POLD3: variants seen among roughly 807,000 people sequenced by gnomAD.
POLD3 encodes DNA polymerase delta 3, accessory subunit.
A neutral mutation model predicts 58.2 loss-of-function variants in POLD3; 19 were observed. The observed-to-expected ratio is 0.33, with a 90% CI of 0.23 to 0.48. The LOEUF (loss-of-function observed/expected upper bound fraction) is 0.48. Ranked by LOEUF, POLD3 falls within the 20% of genes least tolerant of loss-of-function variation. POLD3 has a pLI of 0.99. For missense variants in POLD3, 504 were observed against 545.5 expected, an observed-to-expected ratio of 0.92 and a Z score of 0.76; for synonymous variants, 172 against 193.5, an observed-to-expected ratio of 0.89 and a Z score of 0.92.
rs2032934128 is a variant in POLD3 at position 74,642,300 on chromosome 11, A to G, written c.*1534A>G. 2 of 985,232 alleles carry G rather than the reference A, an allele frequency of 2.0e-6. No individual in the cohort carries two copies. Among genetic ancestry groups the G allele is most frequent in the South Asian group, 4.7e-5 (1 of 21,292 alleles). 61.0% of individuals were successfully genotyped at this position (985,232 alleles called of 1,614,324 possible). On this transcript the variant is annotated 3_prime_UTR_variant, in exon 12 of 12. Transcript: ENST00000263681. ...TATAGCAAGCTGAGTAAAGGTTGAC[A>G]TATTCCAAAACCCTTCTTTTTAAAA...
At chr11:74,664,898 G>A (rs1353063764) in intron 4 of POLD3, among the ~76,000 whole-genome samples, 4 of 152,154 alleles carry the variant, frequency 2.6e-5, no homozygotes, top group African/African-American at 7.2e-5. Flanking sequence ...TCAGGAGTTC[G>A]AGACCAGCCT....
At position 74,596,028 on chromosome 11, in the gene POLD3, TTA is replaced by T. The variant is rs1330876291; in HGVS notation, c.116+1914_116+1915del. Among the ~76,000 whole-genome samples, 39 of 86,570 alleles carry T rather than the reference TTA, an allele frequency of 4.5e-4. No homozygotes were observed. The South Asian group carries it at 0.015, about 33-fold the overall frequency. 56.8% of individuals were successfully genotyped at this position (86,570 alleles called of 152,430 possible). A position where few individuals can be genotyped will look rare whatever the true frequency, so the allele number is the denominator to read the frequency against. ...TAAAATGATTAAATTTTTTTTAATCTTATTTTTTTTTTTTTTTTAGTAGAGAT... is the reference window on the plus strand; with the variant it reads ...TAAAATGATTAAATTTTTTTTAATCTTTTTTTTTTTTTTTTTAGTAGAGAT... On this transcript the variant is annotated intron_variant, in intron 2 of 11. Coordinates refer to ENST00000263681, the MANE Select transcript of POLD3 (RefSeq NM_006591.3).
intron 11 of POLD3, among the ~76,000 whole-genome samples, chr11:74,636,733 C>T (rs1297046875): frequency 6.6e-6 from 1 of 151,938 alleles, no homozygotes; most frequent in Non-Finnish European, 1.5e-5. Context: ...GATGATTAGA[C>T]TGTAATCAAG....
At chr11:74,634,982 G>T (rs1345218672) in intron 10 of POLD3, among the ~76,000 whole-genome samples, 1 of 152,142 alleles carries the variant, frequency 6.6e-6, no homozygotes, top group Admixed American at 6.5e-5. Context: ...TACAGCTCCT[G>T]TTAGAATGGT....
chr11:74,617,653 G>A (rs1259715845), intron 5 of POLD3, among the ~76,000 whole-genome samples: 1 of 152,128 alleles, frequency 6.6e-6, no homozygotes, highest in African/African-American at 2.4e-5. Context: ...ACCTGCCTTG[G>A]CCTCCCAAAG....
At chr11:74,634,430 G>A (rs554016332) in intron 9 of POLD3, among the ~76,000 whole-genome samples, 153 bp from the exon 10 acceptor site, 11 of 152,172 alleles carry the variant, frequency 7.2e-5, no homozygotes, top group Non-Finnish European at 1.0e-4. Flanking sequence ...GTATTTTAAA[G>A]ATAACTATAT....
chr11:74,616,151 A>G (rs2032073579), intron 5 of POLD3, among the ~76,000 whole-genome samples: 1 of 152,202 alleles, frequency 6.6e-6, no homozygotes, highest in Admixed American at 6.5e-5. Context: ...AGTGACGCAA[A>G]AGTTCAAAAT....
At chr11:74,637,558 A>C (rs897136049) in intron 11 of POLD3, among the ~76,000 whole-genome samples, 4 of 145,852 alleles carry the variant, frequency 2.7e-5, no homozygotes, top group African/African-American at 1.0e-4. Context: ...TGCATTTTTT[A>C]AATTTAAGAG....
At chr11:74,636,954 G>C (rs1457124709) in intron 11 of POLD3, among the ~76,000 whole-genome samples, 1 of 152,158 alleles carries the variant, frequency 6.6e-6, no homozygotes, top group African/African-American at 2.4e-5. Flanking sequence ...AATCACACTA[G>C]ACTTCTGTGG....
chr11:74,616,782 T>A (rs1374774606), intron 5 of POLD3, among the ~76,000 whole-genome samples: 4 of 149,266 alleles, frequency 2.7e-5, no homozygotes, highest in Non-Finnish European at 6.0e-5. Context: ...GTATCAGGGA[T>A]TTTTTTTTTT....
intron 2 of POLD3, among the ~76,000 whole-genome samples, chr11:74,599,785 A>G (rs2031419200): frequency 6.6e-6 from 1 of 152,120 alleles, no homozygotes; most frequent in African/African-American, 2.4e-5. Flanking sequence ...CTGTGAAATA[A>G]TTAAGTTGGG....
chr11:74,595,750 C>G (rs372895740), intron 2 of POLD3, among the ~76,000 whole-genome samples: 2 of 152,008 alleles, frequency 1.3e-5, no homozygotes, highest in African/African-American at 2.4e-5. Flanking sequence ...CCCGAGTAGC[C>G]GGGACTACAG....
chr11:74,627,755 A>G (rs973302217), intron 8 of POLD3, among the ~76,000 whole-genome samples: 1 of 152,202 alleles, frequency 6.6e-6, no homozygotes, highest in Non-Finnish European at 1.5e-5. Flanking sequence ...GAGTACAGTA[A>G]CAATGATGTA....
At chr11:74,643,852 C>T (rs148648980), downstream of POLD3, among the ~76,000 whole-genome samples, 61 of 152,290 alleles carry the variant, frequency 4.0e-4, 1 homozygote, top group Middle Eastern at 0.01. Flanking sequence ...TGCATATGCA[C>T]ATTGTATCTT....
chr11:74,661,592 A>G (rs1414934019), intron 4 of POLD3, among the ~76,000 whole-genome samples: 1 of 152,142 alleles, frequency 6.6e-6, no homozygotes, highest in Non-Finnish European at 1.5e-5. Context: ...GGGTGACACA[A>G]ACACCCCTGT....
chr11:74,602,183 A>C (rs1025669774), intron 2 of POLD3, among the ~76,000 whole-genome samples: 1 of 151,860 alleles, frequency 6.6e-6, no homozygotes, highest in African/African-American at 2.4e-5. Context: ...TGCTCAAGCT[A>C]TCCTCCTGCT....
intron 3 of POLD3, among the ~76,000 whole-genome samples, 153 bp from the exon 4 acceptor site, chr11:74,611,346 G>C (rs1301067939): frequency 6.6e-6 from 1 of 152,142 alleles, no homozygotes; most frequent in East Asian, 1.9e-4. Flanking sequence ...CAAATTAAAA[G>C]TGAGTCTGAC....
chr11:74,605,732 C>T (rs1173456684), intron 3 of POLD3, among the ~76,000 whole-genome samples: 1 of 152,118 alleles, frequency 6.6e-6, no homozygotes, highest in Non-Finnish European at 1.5e-5. Flanking sequence ...CCTGATTTGT[C>T]AAAATATTGA....
chr11:74,656,451 G>C (rs1214988691), intron 4 of POLD3, among the ~76,000 whole-genome samples: 1 of 152,154 alleles, frequency 6.6e-6, no homozygotes, highest in Non-Finnish European at 1.5e-5. Context: ...GCCAGGCATG[G>C]TGGCACGCAC....
Sources: allele counts gnomAD v4.1 joint callset (sites outside exome capture counted in the v4.1 genomes callset), GRCh38; gene constraint gnomAD v4.1.1; transcripts MANE v1.5; gene names NCBI Gene and HGNC (gene_info 2026-07-23, HGNC 2026-07-21).